The following PTPRD variants were observed in gnomAD, a reference collection of about 807,000 sequenced individuals.
The protein encoded by PTPRD is receptor-type tyrosine-protein phosphatase delta.
Under a neutral mutation model 214.5 loss-of-function variants are expected in PTPRD, and 34 were observed. The ratio of observed to expected loss-of-function variants is 0.16; its 90% confidence interval spans 0.12 to 0.21. The LOEUF (loss-of-function observed/expected upper bound fraction) is 0.21, where lower values mean the gene tolerates loss of function less well. Ranked by LOEUF, PTPRD falls within the 10% of genes least tolerant of loss-of-function variation. The probability of loss-of-function intolerance (pLI) is 1.00; values close to 1 mark genes in which losing one functional copy is unlikely to be tolerated. For missense variants in PTPRD, 2,545 were observed against 2,398.7 expected (o/e 1.06, Z -1.27); for synonymous variants, 1,128 against 845.7 (o/e 1.33, Z -5.79).
Position 9,337,280 on chromosome 9 carries a change from T to C in PTPRD, c.-203+60169A>G, listed in dbSNP as rs139849302. Among the ~76,000 whole-genome samples the C allele has an allele frequency of 2.9e-3, 441 of 152,224 alleles. 5 individuals are homozygous for C. The highest frequency in any genetic ancestry group is 0.01 in the African/African-American group (423 of 41,550). The stretch of plus-strand genomic sequence containing the variant: ...ATGTATCCAAAATTGTAGTCAGCAA[T>C]GAAAGCAGGGTAAAGGGAAAATCTG... On this transcript the variant is annotated intron_variant, in intron 9 of 45. Coordinates refer to ENST00000381196, the MANE Select transcript of PTPRD (RefSeq NM_002839.4).
At chr9:10,549,867 A>C (rs2060937134) in intron 2 of PTPRD, among the ~76,000 whole-genome samples, 1 of 152,178 alleles carries the variant, frequency 6.6e-6, no homozygotes, top group Admixed American at 6.5e-5. Flanking sequence ...GGTTCACAGA[A>C]CAATTCCCTC....
intron 11 of PTPRD, among the ~76,000 whole-genome samples, chr9:8,929,755 A>ATACATATGTGTATACATATG (rs1285445116): frequency 1.7e-5 from 1 of 58,080 alleles, no homozygotes; most frequent in Non-Finnish European, 3.5e-5. Flanking sequence ...GTATATATAT[A>ATACATATGTGTATACATATG]TGTATATATA....
intron 3 of PTPRD, among the ~76,000 whole-genome samples, chr9:10,111,022 G>C (rs1420795763): frequency 6.6e-6 from 1 of 151,932 alleles, no homozygotes; most frequent in East Asian, 1.9e-4. Flanking sequence ...AGAGAGTGCT[G>C]GGTTCTAGAA....
At chr9:9,110,480 C>T (rs2099804504) in intron 10 of PTPRD, among the ~76,000 whole-genome samples, 1 of 152,122 alleles carries the variant, frequency 6.6e-6, no homozygotes, top group Non-Finnish European at 1.5e-5. Flanking sequence ...ACATATTTCT[C>T]ATATTCAGTA....
intron 9 of PTPRD, among the ~76,000 whole-genome samples, chr9:9,374,489 A>G (rs1459608944): frequency 2.6e-5 from 4 of 152,172 alleles, no homozygotes; most frequent in Non-Finnish European, 5.9e-5. Context: ...AACATAAAGT[A>G]AAAGCATATT....
intron 11 of PTPRD, among the ~76,000 whole-genome samples, chr9:8,911,000 T>C (rs139547059): frequency 6.6e-6 from 1 of 152,312 alleles, no homozygotes; most frequent in African/African-American, 2.4e-5. Context: ...AAGACACTAT[T>C]ATTAAAATGG....
At chr9:10,089,944 G>A (rs2098408645) in intron 3 of PTPRD, among the ~76,000 whole-genome samples, 1 of 151,572 alleles carries the variant, frequency 6.6e-6, no homozygotes, top group Non-Finnish European at 1.5e-5. Context: ...AGAATTTAAG[G>A]TGATTAATGA....
chr9:9,012,360 T>G (rs1316607575), intron 11 of PTPRD, among the ~76,000 whole-genome samples: 1 of 152,182 alleles, frequency 6.6e-6, no homozygotes, highest in Non-Finnish European at 1.5e-5. Flanking sequence ...ATCTGCTGAG[T>G]TTCTTACAAT....
chr9:9,806,029 A>G (rs926602876), intron 5 of PTPRD, among the ~76,000 whole-genome samples: 2 of 152,154 alleles, frequency 1.3e-5, no homozygotes, highest in African/African-American at 4.8e-5. Flanking sequence ...TACCATGCAA[A>G]AGCCATTACA....
intron 5 of PTPRD, among the ~76,000 whole-genome samples, chr9:9,892,840 CTT>C (rs746976369): frequency 1.3e-5 from 2 of 151,716 alleles, no homozygotes; most frequent in Non-Finnish European, 2.9e-5. Flanking sequence ...GTTAAAAAGA[CTT>C]AAAGAGGTAC....
At chr9:9,653,579 G>A (rs2096432010) in intron 7 of PTPRD, among the ~76,000 whole-genome samples, 2 of 152,028 alleles carry the variant, frequency 1.3e-5, no homozygotes, top group Non-Finnish European at 2.9e-5. Context: ...CTTTGTAATA[G>A]GCTGCTTACC....
intron 12 of PTPRD, among the ~76,000 whole-genome samples, chr9:8,646,605 T>C (rs1359771744): frequency 1.3e-5 from 2 of 152,180 alleles, no homozygotes; most frequent in South Asian, 2.1e-4. Context: ...CTAAATTAAG[T>C]CCTTGGAAGC....
intron 3 of PTPRD, among the ~76,000 whole-genome samples, chr9:10,255,353 G>A (rs570591855): frequency 2.0e-5 from 3 of 152,266 alleles, no homozygotes; most frequent in African/African-American, 7.2e-5. Context: ...AACCTGTATA[G>A]CATGTTAATA....
chr9:9,150,888 C>A (rs112369710), intron 10 of PTPRD, among the ~76,000 whole-genome samples: 3 of 152,052 alleles, frequency 2.0e-5, no homozygotes, highest in Non-Finnish European at 4.4e-5. Flanking sequence ...TTCCTTGGGG[C>A]GGCCTGTTGA....
rs2093807786 is a variant in PTPRD, at chr9:8,754,461, C to G, written c.-103-20515G>C. ...AGAAACAGACCCACCCATATGTACTCTCAGATGATTTATACACAGCTATGT... is the reference window on the plus strand; with the variant it reads ...AGAAACAGACCCACCCATATGTACTGTCAGATGATTTATACACAGCTATGT... On this transcript the variant is annotated intron_variant, in intron 11 of 45. Coordinates refer to ENST00000381196, the MANE Select transcript of PTPRD (RefSeq NM_002839.4). Among the ~76,000 whole-genome samples, 4 of 152,130 alleles carry G rather than the reference C, an allele frequency of 2.6e-5. No individual in the cohort carries two copies. The South Asian group carries it at 8.3e-4, about 31-fold the overall frequency.
At chr9:9,511,263 G>A (rs189242421) in intron 8 of PTPRD, among the ~76,000 whole-genome samples, 31 of 151,838 alleles carry the variant, frequency 2.0e-4, no homozygotes, top group Admixed American at 1.7e-3. Context: ...AAGAGTACAC[G>A]TACTGATCAC....
rs376864492 is a variant in PTPRD at position 10,426,725 on chromosome 9, A to T, written c.-599-85708T>A. Among the ~76,000 whole-genome samples the T allele has an allele frequency of 2.9e-4, 44 of 152,128 alleles. No individual in the cohort carries two copies. In the East Asian group the frequency reaches 7.6e-3, roughly 26 times the overall value. On this transcript the variant is annotated intron_variant, in intron 2 of 45. Transcript: ENST00000381196. ...CCACTTTTGCATTTACCTGAAGTGG[A>T]CTATAGTTTTTTTGCAGAGGCAGAG...
At chr9:10,276,091 G>C (rs915436026) in intron 3 of PTPRD, among the ~76,000 whole-genome samples, 1 of 152,166 alleles carries the variant, frequency 6.6e-6, no homozygotes, top group Admixed American at 6.6e-5. Context: ...AATCTTCTGA[G>C]AAAGTTTTTA....
intron 5 of PTPRD, among the ~76,000 whole-genome samples, chr9:9,918,696 T>A (rs2081662379): frequency 6.6e-6 from 1 of 151,550 alleles, no homozygotes; most frequent in Admixed American, 6.6e-5. Context: ...AACACTGGCA[T>A]AAAAACAGAA....
Sources: gnomAD v4.1 joint callset for allele counts (sites outside exome capture counted in the v4.1 genomes callset) on GRCh38, gnomAD v4.1.1 for gene constraint, MANE v1.5 for transcripts, NCBI Gene and HGNC (gene_info 2026-07-23, HGNC 2026-07-21) for gene names.